LRP6: variants seen among roughly 807,000 people sequenced by gnomAD.
LRP6 encodes LDL receptor related protein 6.
In LRP6, 43 loss-of-function variants were observed where a neutral mutation model predicts 184.1. The observed-to-expected ratio is 0.23, with a 90% CI of 0.18 to 0.30. The LOEUF is 0.30. Ranked by LOEUF, LRP6 falls within the 10% of genes least tolerant of loss-of-function variation. The pLI is 1.00. For missense variants in LRP6, 1,571 were observed against 2,005.3 expected (o/e 0.78, Z 4.14); for synonymous variants, 719 against 684.9 (o/e 1.05, Z -0.78).
At chr12:12,188,104 C>G (rs1435663588) in intron 3 of LRP6, among the ~76,000 whole-genome samples, 1 of 150,730 alleles carries the variant, frequency 6.6e-6, no homozygotes, top group Non-Finnish European at 1.5e-5. Context: ...CCCAGACACT[C>G]GGAAGGCTGA....
At chr12:12,135,646 G>A (rs1234898944) in intron 16 of LRP6, among the ~76,000 whole-genome samples, 3 of 151,238 alleles carry the variant, frequency 2.0e-5, no homozygotes, top group African/African-American at 7.3e-5. Context: ...GGTGACTGCC[G>A]CCATGCCTGG....
intron 7 of LRP6, among the ~76,000 whole-genome samples, 161 bp from the exon 8 acceptor site, chr12:12,165,456 T>G (rs145956229): frequency 2.8e-4 from 42 of 152,318 alleles, no homozygotes; most frequent in African/African-American, 9.4e-4. Flanking sequence ...TAAAAATGAT[T>G]TCAAATTTTC....
rs1211139509 is a variant in LRP6 at position 12,162,412 on chromosome 12, C to T, written c.2060G>A (p.Ser687Asn). The T allele has an allele frequency of 1.9e-6, 3 of 1,613,024 alleles. No individual in the cohort carries two copies. In the Admixed American group the frequency reaches 5.0e-5, roughly 27 times the overall value. Residue 687 changes from serine (S) to asparagine (N), a missense_variant, in exon 10 of 23, where the codon AGC becomes AAC. Coordinates refer to ENST00000261349, the MANE Select transcript of LRP6 (RefSeq NM_002336.3). ...TGCACTGCCATTCATAAAGGCTCTG[C>T]TGATGGTCTGCAAAAGAACATTAAC... ...YWTDISLKTI[S>N]RAFMNGSALE... is the part of the protein sequence containing the mutation.
At chr12:12,252,798 T>G (rs903978226) in intron 1 of LRP6, among the ~76,000 whole-genome samples, 1 of 152,236 alleles carries the variant, frequency 6.6e-6, no homozygotes, top group Non-Finnish European at 1.5e-5. Context: ...TCTTTTTCCT[T>G]GATAATCTTG....
intron 3 of LRP6, among the ~76,000 whole-genome samples, chr12:12,192,024 C>CT (rs1207966808): frequency 6.6e-6 from 1 of 152,040 alleles, no homozygotes; most frequent in Non-Finnish European, 1.5e-5. Context: ...AAAAAAGACT[C>CT]TATAAATAAT....
rs11054706 is a variant in LRP6 at position 12,147,668 on chromosome 12, A to C, written c.3207-112T>G. 79,506 of 961,632 alleles carry C rather than the reference A, an allele frequency of 0.083. 3,809 individuals carry two copies. Among genetic ancestry groups the C allele is most frequent in the Admixed American group, 0.12 (5,839 of 47,612 alleles). 59.6% of individuals were successfully genotyped at this position (961,632 alleles called of 1,614,324 possible). ...AGTATTTTTAAGTATTGTTTTTAAA[A>C]GTTTTAAAATACGTATTTTTTGACC... On this transcript the variant is annotated intron_variant, in intron 14 of 22. Transcript: ENST00000261349.
At chr12:12,187,350 G>A (rs1863500749) in intron 3 of LRP6, 1 of 536,188 alleles carries the variant, frequency 1.9e-6, no homozygotes, top group Non-Finnish European at 3.3e-6. Flanking sequence ...TCCCTAACTT[G>A]GCAGCAGCCT....
At chr12:12,217,057 C>T (rs1864366847) in intron 2 of LRP6, among the ~76,000 whole-genome samples, 1 of 152,052 alleles carries the variant, frequency 6.6e-6, no homozygotes, top group Admixed American at 6.6e-5. Flanking sequence ...AACTGGGGTC[C>T]CCAACCTCCA....
At chr12:12,149,203 C>A (rs1950048592) in intron 13 of LRP6, 50 bp from the exon 14 acceptor site, 1 of 1,445,736 alleles carries the variant, frequency 6.9e-7, no homozygotes, top group African/African-American at 1.4e-5. Flanking sequence ...GGGCAGATAA[C>A]CCTGAGGCAA....
At chr12:12,147,315 G>A in intron 15 of LRP6, 51 bp downstream of exon 15, 1 of 1,574,706 alleles carries the variant, frequency 6.4e-7, no homozygotes, top group Non-Finnish European at 8.7e-7. Flanking sequence ...CACAATAGAT[G>A]AATCATCTTA....
Position 12,124,799 on chromosome 12 carries a change from T to A in LRP6, c.4450-137A>T. 6.3e-6 allele frequency: 4 copies of A among 639,694 alleles called. No homozygotes were observed. The Middle Eastern group carries it at 1.3e-3, about 201-fold the overall frequency. 39.6% of individuals were successfully genotyped at this position (639,694 alleles called of 1,614,324 possible). On this transcript the variant is annotated intron_variant, in intron 21 of 22. Coordinates refer to ENST00000261349, the MANE Select transcript of LRP6 (RefSeq NM_002336.3). ...GCACAATTCTTCTTTTCCAAAGAAT[T>A]GACCTCAAACAGTACTTTGGGACTA...
At chr12:12,157,516 T>C (rs1862621545) in intron 12 of LRP6, among the ~76,000 whole-genome samples, 3 of 151,624 alleles carry the variant, frequency 2.0e-5, no homozygotes, top group South Asian at 2.1e-4. Flanking sequence ...TTAAAGAATT[T>C]ATTACTTGTG....
At position 12,211,187 on chromosome 12, in the gene LRP6, G is replaced by C. The variant is rs528784085; in HGVS notation, c.450-7787C>G. On this transcript the variant is annotated intron_variant, in intron 2 of 22. Coordinates refer to ENST00000261349, the MANE Select transcript of LRP6 (RefSeq NM_002336.3). ...TGCAGTGGTTCACACCTGTAATCCC[G>C]GCACTTTGGGAGGCCAAGATGGGCG... 2.0e-5 allele frequency: 3 copies of C among 152,294 alleles called. No homozygotes were observed. The East Asian group carries it at 5.8e-4, about 29-fold the overall frequency. 9.4% of individuals were successfully genotyped at this position (152,294 alleles called of 1,614,324 possible).
intron 1 of LRP6, among the ~76,000 whole-genome samples, chr12:12,246,808 G>A (rs968136440): frequency 1.3e-5 from 2 of 152,052 alleles, no homozygotes; most frequent in African/African-American, 4.8e-5. Flanking sequence ...CCCTTTTCAA[G>A]AAATTACTCC....
At chr12:12,214,437 C>T (rs943155668) in intron 2 of LRP6, among the ~76,000 whole-genome samples, 4 of 152,180 alleles carry the variant, frequency 2.6e-5, no homozygotes, top group African/African-American at 9.6e-5. Context: ...ACTAAAAACC[C>T]ATTCTTCAGA....
chr12:12,242,313 C>T (rs1865087125), intron 2 of LRP6, among the ~76,000 whole-genome samples: 1 of 152,178 alleles, frequency 6.6e-6, no homozygotes, highest in Non-Finnish European at 1.5e-5. Context: ...ATAAACCAAA[C>T]CCCCTCTCTC....
intron 2 of LRP6, among the ~76,000 whole-genome samples, chr12:12,227,705 G>A (rs1184888778): frequency 6.6e-6 from 1 of 151,966 alleles, no homozygotes; most frequent in Non-Finnish European, 1.5e-5. Context: ...CACCACACCT[G>A]GCCTTTTCTT....
At chr12:12,149,260 C>T (rs752358557) in intron 13 of LRP6, 107 bp from the exon 14 acceptor site, 12 of 860,408 alleles carry the variant, frequency 1.4e-5, no homozygotes, top group Non-Finnish European at 2.0e-5. Context: ...TGAGAAGGCT[C>T]TCTCAAGTCT....
chr12:12,188,823 G>A (rs1242873602), intron 3 of LRP6, among the ~76,000 whole-genome samples: 1 of 152,192 alleles, frequency 6.6e-6, no homozygotes. Context: ...TTTACAGGGT[G>A]ATGGCACAGT....
Sources: gnomAD v4.1 joint callset for allele counts (sites outside exome capture counted in the v4.1 genomes callset) on GRCh38, gnomAD v4.1.1 for gene constraint, MANE v1.5 for transcripts, NCBI Gene and HGNC (gene_info 2026-07-23, HGNC 2026-07-21) for gene names.